The following KYNU variants were observed in gnomAD, a reference collection of about 807,000 sequenced individuals.
KYNU encodes the protein L-kynurenine hydrolase.
In KYNU, 54 loss-of-function variants were observed where a neutral mutation model predicts 59.2. The observed-to-expected ratio is 0.91, with a 90% CI of 0.73 to 1.14. KYNU has a LOEUF of 1.14. KYNU is among the 50% of genes most tolerant of loss of function. The pLI, the probability that KYNU is intolerant of heterozygous loss-of-function variation, is 0.00. For synonymous variants in KYNU, 177 were observed against 192.0 expected (o/e 0.92, Z 0.65); for missense variants, 567 against 554.4 (o/e 1.02, Z -0.23).
At chr2:142,961,659 T>C (rs1412161598) in intron 8 of KYNU, among the ~76,000 whole-genome samples, 1 of 152,214 alleles carries the variant, frequency 6.6e-6, no homozygotes, top group Non-Finnish European at 1.5e-5. Context: ...GAGCTTTTTT[T>C]CCTACCCACT....
intron 11 of KYNU, among the ~76,000 whole-genome samples, chr2:143,032,168 C>T (rs1248494170): frequency 6.6e-6 from 1 of 152,122 alleles, no homozygotes; most frequent in East Asian, 1.9e-4. Context: ...GTCCCAGCTA[C>T]TCGGAAAGCT....
intron 10 of KYNU, among the ~76,000 whole-genome samples, chr2:143,021,399 T>C (rs1686402358): frequency 6.6e-6 from 1 of 152,170 alleles, no homozygotes; most frequent in South Asian, 2.1e-4. Context: ...AAATCTATTT[T>C]TACTGGTGTG....
At chr2:142,989,116 C>T (rs747575493) in intron 10 of KYNU, among the ~76,000 whole-genome samples, 6 of 151,824 alleles carry the variant, frequency 4.0e-5, no homozygotes, top group Non-Finnish European at 5.9e-5. Flanking sequence ...CGACAATGTT[C>T]CATACATAAA....
At chr2:142,929,549 A>G (rs555249001) in intron 4 of KYNU, among the ~76,000 whole-genome samples, 2 of 152,328 alleles carry the variant, frequency 1.3e-5, no homozygotes, top group African/African-American at 4.8e-5. Flanking sequence ...CCCAAGGCAC[A>G]GTCTCAAGAG....
At chr2:142,951,527 T>C (rs1180008849) in intron 4 of KYNU, among the ~76,000 whole-genome samples, 3 of 152,124 alleles carry the variant, frequency 2.0e-5, no homozygotes, top group Admixed American at 6.6e-5. Context: ...CAAAAAACAA[T>C]GAAGTGAAGA....
intron 10 of KYNU, among the ~76,000 whole-genome samples, chr2:143,001,185 C>T (rs1187487147): frequency 6.6e-6 from 1 of 152,222 alleles, no homozygotes; most frequent in African/African-American, 2.4e-5. Flanking sequence ...GTGAGTTAGA[C>T]AAAGGCATGA....
intron 12 of KYNU, among the ~76,000 whole-genome samples, chr2:143,038,635 G>C (rs1174515436): frequency 1.3e-5 from 2 of 152,112 alleles, no homozygotes; most frequent in Non-Finnish European, 2.9e-5. Context: ...TGGTTGAAGA[G>C]AGAGACAGGC....
Position 143,042,612 on chromosome 2 carries a change from A to ATGTG in KYNU, c.*441_*442insGTGT, listed in dbSNP as rs1558990213. On this transcript the variant is annotated 3_prime_UTR_variant, in exon 14 of 14. Coordinates refer to ENST00000264170, the MANE Select transcript of KYNU (RefSeq NM_003937.3). ...TATATATATATATATATATATATATATATATATATATATATATATGTGTGT... is the reference window on the plus strand; with the variant it reads ...TATATATATATATATATATATATATATGTGTATATATATATATATATATGTGTGT... 7.8e-5 allele frequency: 1 copy of ATGTG among 12,830 alleles called. No individual in the cohort carries two copies. The highest frequency in any genetic ancestry group is 1.5e-3 in the East Asian group (1 of 674). 0.8% of individuals were successfully genotyped at this position (12,830 alleles called of 1,614,324 possible).
intron 10 of KYNU, among the ~76,000 whole-genome samples, chr2:143,007,016 G>A (rs1341160481): frequency 1.3e-5 from 2 of 152,054 alleles, no homozygotes; most frequent in Non-Finnish European, 2.9e-5. Context: ...TCCTCCAAAG[G>A]AACGCAGTTC....
intron 4 of KYNU, among the ~76,000 whole-genome samples, chr2:142,931,722 G>A (rs352897): frequency 0.026 from 3,998 of 152,258 alleles, 173 homozygotes; most frequent in Admixed American, 0.11. Context: ...AGCCAGCTTC[G>A]TGAGTTGCGC....
intron 8 of KYNU, among the ~76,000 whole-genome samples, chr2:142,962,698 G>A (rs546801841): frequency 1.7e-4 from 26 of 152,324 alleles, no homozygotes; most frequent in African/African-American, 6.3e-4. Context: ...GCAGCTTTAA[G>A]TGTAACTATG....
At chr2:143,006,760 G>T (rs1460859301) in intron 10 of KYNU, among the ~76,000 whole-genome samples, 1 of 151,786 alleles carries the variant, frequency 6.6e-6, no homozygotes, top group Non-Finnish European at 1.5e-5. Flanking sequence ...TGACCCCCGA[G>T]CAGCCTAACT....
chr2:142,892,908 C>A (rs905508493), intron 2 of KYNU, among the ~76,000 whole-genome samples: 2 of 152,162 alleles, frequency 1.3e-5, no homozygotes, highest in African/African-American at 4.8e-5. Flanking sequence ...GAAGAAAAGA[C>A]AAATAATGTG....
At chr2:143,002,608 C>G (rs1685735997) in intron 10 of KYNU, among the ~76,000 whole-genome samples, 1 of 151,952 alleles carries the variant, frequency 6.6e-6, no homozygotes, top group Non-Finnish European at 1.5e-5. Context: ...AGTGAATGCA[C>G]AAAAAATGAA....
chr2:143,010,717 T>C (rs1232584389), intron 10 of KYNU, among the ~76,000 whole-genome samples: 3 of 147,922 alleles, frequency 2.0e-5, no homozygotes, highest in Non-Finnish European at 4.5e-5. Context: ...AACAGAGATA[T>C]AGATCAATGG....
At chr2:142,988,955 G>C in intron 10 of KYNU, 1 of 1,390,396 alleles carries the variant, frequency 7.2e-7, no homozygotes, top group Non-Finnish European at 1.0e-6. Context: ...GAAATGTTTT[G>C]CTGAAACTTA....
At position 143,022,962 on chromosome 2, in the gene KYNU, A is replaced by G. The variant is rs77787688; in HGVS notation, c.903-6665A>G. ...TGTAACTGTCATTTTATGTTTTCTA[A>G]CTATTAATTTCAGCTTTTTTCTTTG... On this transcript the variant is annotated intron_variant, in intron 10 of 13. Transcript: ENST00000264170. 1.2e-3 allele frequency among the ~76,000 whole-genome samples: 182 copies of G among 152,024 alleles called. 1 individual carries two copies. Among genetic ancestry groups the G allele is most frequent in the African/African-American group, 4.2e-3 (176 of 41,526 alleles).
intron 2 of KYNU, among the ~76,000 whole-genome samples, chr2:142,918,133 C>T (rs758665330): frequency 8.9e-4 from 136 of 152,076 alleles, no homozygotes; most frequent in Non-Finnish European, 5.3e-4. Flanking sequence ...TGAAAAAAAC[C>T]GCATAAATCC....
At chr2:142,994,297 C>T (rs1489816211) in intron 10 of KYNU, among the ~76,000 whole-genome samples, 2 of 151,966 alleles carry the variant, frequency 1.3e-5, no homozygotes, top group Admixed American at 1.3e-4. Context: ...AACACTGAGG[C>T]AGGCTAACTT....
Sources: gnomAD v4.1 joint callset for allele counts (sites outside exome capture counted in the v4.1 genomes callset) on GRCh38, gnomAD v4.1.1 for gene constraint, MANE v1.5 for transcripts, NCBI Gene and HGNC (gene_info 2026-07-23, HGNC 2026-07-21) for gene names.